MGAM2: variants seen among roughly 807,000 people sequenced by gnomAD.
MGAM2 encodes probable maltase-glucoamylase 2.
A neutral mutation model predicts 96.1 loss-of-function variants in MGAM2; 98 were observed. That is an observed-to-expected ratio of 1.02 (90% confidence interval 0.87 to 1.21). The LOEUF (loss-of-function observed/expected upper bound fraction) is 1.21. MGAM2 is among the 50% of genes most tolerant of loss of function. MGAM2 has a pLI of 0.00. For synonymous variants in MGAM2, 749 were observed against 414.8 expected, an observed-to-expected ratio of 1.81 and a Z score of -9.79; for missense variants, 2,055 against 1,182.4, an observed-to-expected ratio of 1.74 and a Z score of -10.82.
At chr7:142,158,506 C>A (rs1362581768) in intron 19 of MGAM2, among the ~76,000 whole-genome samples, 174 bp downstream of exon 19, 4 of 152,208 alleles carry the variant, frequency 2.6e-5, no homozygotes, top group African/African-American at 9.6e-5. Context: ...GGTCCCATTG[C>A]CCCACCAAAC....
chr7:142,159,105 G>T (rs1443974541), intron 19 of MGAM2, among the ~76,000 whole-genome samples, 182 bp from the exon 20 acceptor site: 1 of 152,142 alleles, frequency 6.6e-6, no homozygotes, highest in African/African-American at 2.4e-5. Context: ...ATCATTTTTA[G>T]CTACATTCTG....
Position 142,155,751 on chromosome 7 carries a change from A to T in MGAM2, c.1923+906A>T, listed in dbSNP as rs546539383. On this transcript the variant is annotated intron_variant, in intron 17 of 47. Coordinates refer to ENST00000477922, the MANE Select transcript of MGAM2 (RefSeq NM_001293626.2). Reference sequence around the variant, plus strand: ...GACTTACATAGGTAAGAACACTCAGATAACCCAGGAAGCTAGGTTTAAGCA... The same window carrying T: ...GACTTACATAGGTAAGAACACTCAGTTAACCCAGGAAGCTAGGTTTAAGCA... Among the ~76,000 whole-genome samples the T allele has an allele frequency of 8.5e-5, 13 of 152,352 alleles. No homozygotes were observed. The East Asian group carries it at 2.5e-3, about 29-fold the overall frequency.
At chr7:142,150,927 C>G (rs1795559639) in intron 15 of MGAM2, among the ~76,000 whole-genome samples, 1 of 152,190 alleles carries the variant, frequency 6.6e-6, no homozygotes, top group Non-Finnish European at 1.5e-5. Context: ...GATGGCCTTC[C>G]TTACCCTGTC....
At position 142,183,950 on chromosome 7, in the gene MGAM2, C is replaced by CTTTTTTTTTT. The variant is rs748299647; in HGVS notation, c.3924+608_3924+617dup. On this transcript the variant is annotated intron_variant, in intron 33 of 47. Transcript: ENST00000477922. ...ACTGCTCTGGATGTATTCCAGGCTCCTTTTTTTTTTTTTTTTTTTTTTTTT... is the reference window on the plus strand; with the variant it reads ...ACTGCTCTGGATGTATTCCAGGCTCCTTTTTTTTTTTTTTTTTTTTTTTTTTTTTTTTTTT... 4.8e-4 allele frequency among the ~76,000 whole-genome samples: 22 copies of CTTTTTTTTTT among 46,148 alleles called. 7 individuals are homozygous for CTTTTTTTTTT. Among genetic ancestry groups the CTTTTTTTTTT allele is most frequent in the Admixed American group, 7.8e-4 (2 of 2,580 alleles). 30.3% of individuals were successfully genotyped at this position (46,148 alleles called of 152,430 possible).
At chr7:142,204,885 A>G (rs116614491) in intron 45 of MGAM2, among the ~76,000 whole-genome samples, 1,658 of 152,210 alleles carry the variant, frequency 0.011, 30 homozygotes, top group African/African-American at 0.037. Flanking sequence ...GCCATCCTGA[A>G]TTTCAAAGCT....
At chr7:142,149,081 G>A (rs916890215) in intron 15 of MGAM2, among the ~76,000 whole-genome samples, 1 of 152,014 alleles carries the variant, frequency 6.6e-6, no homozygotes, top group African/African-American at 2.4e-5. Flanking sequence ...AGAAAAATTA[G>A]TCGGGTGTGG....
In MGAM2 at chr7:142,158,059, G is replaced by T. The variant is rs1346965806; in HGVS notation, c.2046G>T (p.Arg682=). The change falls in exon 18 of 48, where the codon CGG becomes CGT. Residue 682 remains arginine, a synonymous_variant. Coordinates refer to ENST00000477922, the MANE Select transcript of MGAM2 (RefSeq NM_001293626.2). ...LYTLFYHAHT[R]GETVARPLVH... The stretch of plus-strand genomic sequence containing the variant: ...CCCTTTTCTACCATGCTCACACCCG[G>T]GGAGAGACGGTAGCAAGGCCCCTTG... 1 of 702,920 alleles carries T rather than the reference G, an allele frequency of 1.4e-6. No individual in the cohort carries two copies. The highest frequency in any genetic ancestry group is 2.7e-5 in the East Asian group (1 of 37,280). 43.5% of individuals were successfully genotyped at this position (702,920 alleles called of 1,614,324 possible). A position where few individuals can be genotyped will look rare whatever the true frequency, so the allele number is the denominator to read the frequency against.
At chr7:142,146,284 C>G (rs1189194980) in intron 14 of MGAM2, among the ~76,000 whole-genome samples, 1 of 151,088 alleles carries the variant, frequency 6.6e-6, no homozygotes, top group African/African-American at 2.4e-5. Flanking sequence ...CACTTTTGCT[C>G]ATAGCCAGGC....
intron 2 of MGAM2, 58 bp from the exon 3 acceptor site, chr7:142,120,244 T>C: frequency 1.4e-6 from 1 of 695,138 alleles, no homozygotes; most frequent in Admixed American, 2.0e-5. Context: ...GCTGGCTTCC[T>C]TCCTGGAGCT....
At chr7:142,200,320 T>G (rs1483098698) in intron 45 of MGAM2, among the ~76,000 whole-genome samples, 1 of 152,116 alleles carries the variant, frequency 6.6e-6, no homozygotes, top group Non-Finnish European at 1.5e-5. Flanking sequence ...ACTCTATCAT[T>G]TGGATCAGCC....
intron 17 of MGAM2, among the ~76,000 whole-genome samples, chr7:142,157,402 T>C (rs1795765340): frequency 6.6e-6 from 1 of 152,118 alleles, no homozygotes; most frequent in South Asian, 2.1e-4. Context: ...AATTTTTTTT[T>C]TTTTTTTTGA....
At chr7:142,146,149 T>C (rs897022337) in intron 14 of MGAM2, among the ~76,000 whole-genome samples, 1 of 150,104 alleles carries the variant, frequency 6.7e-6, no homozygotes, top group African/African-American at 2.4e-5. Flanking sequence ...CATGTTTTTT[T>C]TTTTTTTTTT....
chr7:142,181,990 T>C (rs1218846614), intron 32 of MGAM2, among the ~76,000 whole-genome samples: 1 of 152,124 alleles, frequency 6.6e-6, no homozygotes, highest in African/African-American at 2.4e-5. Context: ...TTCTGAGCTA[T>C]GGAGCTCCCT....
Position 142,130,885 on chromosome 7 carries a change from A to G in MGAM2, c.187-63A>G, listed in dbSNP as rs1383315957. The G allele has an allele frequency of 1.0e-5, 7 of 673,282 alleles. No homozygotes were observed. In the Admixed American group the frequency reaches 1.0e-4, roughly 10 times the overall value. 41.7% of individuals were successfully genotyped at this position (673,282 alleles called of 1,614,324 possible). A position where few individuals can be genotyped will look rare whatever the true frequency, so the allele number is the denominator to read the frequency against. ...TTGGAATAAAATGGGTTATAAATAAATAGACAGATAATACTTTCCTTCCCT... is the reference window on the plus strand; with the variant it reads ...TTGGAATAAAATGGGTTATAAATAAGTAGACAGATAATACTTTCCTTCCCT... On this transcript the variant is annotated intron_variant, in intron 3 of 47. Coordinates refer to ENST00000477922, the MANE Select transcript of MGAM2 (RefSeq NM_001293626.2).
chr7:142,179,294 A>G (rs1796468218), intron 32 of MGAM2, among the ~76,000 whole-genome samples: 1 of 152,152 alleles, frequency 6.6e-6, no homozygotes, highest in African/African-American at 2.4e-5. Context: ...GAATCATGTC[A>G]TCCTTGGAGA....
intron 46 of MGAM2, among the ~76,000 whole-genome samples, chr7:142,210,914 T>C (rs1474369792): frequency 6.6e-6 from 1 of 151,842 alleles, no homozygotes; most frequent in Non-Finnish European, 1.5e-5. Flanking sequence ...CCAGCAGGGG[T>C]CAACAGACAC....
chr7:142,208,522 G>A lies in MGAM2; in HGVS notation c.5138-51G>A, dbSNP rs935630360. On this transcript the variant is annotated intron_variant, in intron 45 of 47. Coordinates refer to ENST00000477922, the MANE Select transcript of MGAM2 (RefSeq NM_001293626.2). ...CTGACCACGCTCAAGATTATTTGCT[G>A]CAATTGAAGCAGTTAGTAGTTGCTT... 8.6e-6 allele frequency: 6 copies of A among 697,748 alleles called. No homozygotes were observed. The African/African-American group carries it at 1.1e-4, about 12-fold the overall frequency. 43.2% of individuals were successfully genotyped at this position (697,748 alleles called of 1,614,324 possible).
chr7:142,190,668 T>A (rs567695276), intron 37 of MGAM2, among the ~76,000 whole-genome samples: 2 of 152,320 alleles, frequency 1.3e-5, no homozygotes, highest in East Asian at 3.9e-4. Context: ...TTCATCTTTT[T>A]AAATTATAGA....
chr7:142,171,737 A>G (rs1293675202), intron 28 of MGAM2, among the ~76,000 whole-genome samples: 1 of 148,228 alleles, frequency 6.7e-6, no homozygotes. Flanking sequence ...TTTAGTTAAT[A>G]TATTCTACTT....
Sources: gnomAD v4.1 joint callset for allele counts (sites outside exome capture counted in the v4.1 genomes callset) on GRCh38, gnomAD v4.1.1 for gene constraint, MANE v1.5 for transcripts, NCBI Gene and HGNC (gene_info 2026-07-23, HGNC 2026-07-21) for gene names.